SPINT2: variants seen among roughly 807,000 people sequenced by gnomAD.
SPINT2 encodes serine peptidase inhibitor, Kunitz type 2.
A neutral mutation model predicts 30.1 loss-of-function variants in SPINT2; 18 were observed. That is an observed-to-expected ratio of 0.60 (90% CI 0.41 to 0.89). SPINT2 has a LOEUF of 0.89. Ranked by LOEUF, SPINT2 falls within the 40% of genes least tolerant of loss-of-function variation. The probability of loss-of-function intolerance (pLI) is 0.00; values close to 1 mark genes in which losing one functional copy is unlikely to be tolerated. For synonymous variants in SPINT2, 139 were observed against 137.9 expected, an observed-to-expected ratio of 1.01 and a Z score of -0.05; for missense variants, 276 against 334.3, an observed-to-expected ratio of 0.83 and a Z score of 1.36.
rs1483168849 is a variant in SPINT2 at position 38,292,050 on chromosome 19, G to A, written c.*44G>A. The A allele has an allele frequency of 1.2e-6, 2 of 1,608,664 alleles. No individual in the cohort carries two copies. The highest frequency in any genetic ancestry group is 1.7e-6 in the Non-Finnish European group (2 of 1,177,686). ...GACTGGGGAAGGGAGGGGAGACTAT[G>A]TGTGAGCTTTTTTTAAATAGAGGGA... On this transcript the variant is annotated 3_prime_UTR_variant, in exon 7 of 7. Transcript: ENST00000301244.
intron 1 of SPINT2, among the ~76,000 whole-genome samples, chr19:38,267,210 T>C (rs1009888264): frequency 2.1e-4 from 32 of 152,230 alleles, no homozygotes; most frequent in Non-Finnish European, 2.9e-5. Flanking sequence ...ATGCCCTCAC[T>C]CATCGTAAGT....
chr19:38,274,067 CA>C, intron 1 of SPINT2, among the ~76,000 whole-genome samples: 1 of 151,916 alleles, frequency 6.6e-6, no homozygotes, highest in South Asian at 2.1e-4. Context: ...CTCGTTTCTA[CA>C]AAAAATGCAA....
intron 1 of SPINT2, among the ~76,000 whole-genome samples, chr19:38,266,728 A>G (rs991712580): frequency 6.6e-6 from 1 of 151,914 alleles, no homozygotes; most frequent in Non-Finnish European, 1.5e-5. Flanking sequence ...ACCTGTGGTA[A>G]CTTCTGGGGA....
chr19:38,288,878 A>C, intron 3 of SPINT2: 4 of 489,174 alleles, frequency 8.2e-6, no homozygotes, highest in Middle Eastern at 5.8e-4. Flanking sequence ...CGTGTTCCCT[A>C]TAATATTAGG....
At position 38,264,703 on chromosome 19, in the gene SPINT2, C is replaced by A; in HGVS notation, c.-190C>A. On this transcript the variant is annotated 5_prime_UTR_variant, in exon 1 of 7. Coordinates refer to ENST00000301244, the MANE Select transcript of SPINT2 (RefSeq NM_021102.4). ...ACCCAGGCATCGCGCGCCGAGAAGG[C>A]CGGGCGTCCCCACACTGAAGGTCCG... The A allele has an allele frequency of 1.7e-6, 1 of 599,934 alleles. No homozygotes were observed. The highest frequency in any genetic ancestry group is 2.0e-5 in the South Asian group (1 of 49,734). The allele number at this position is 599,934 out of a possible 1,614,324, so 37.2% of individuals were successfully genotyped here.
chr19:38,276,802 TATTA>T (rs1195583550), intron 1 of SPINT2, among the ~76,000 whole-genome samples: 2 of 152,090 alleles, frequency 1.3e-5, no homozygotes, highest in Admixed American at 6.6e-5. Context: ...ATGTTTTATT[TATTA>T]ATTTATTTTT....
chr19:38,278,101 G>T (rs1038206686), intron 1 of SPINT2, among the ~76,000 whole-genome samples: 2 of 152,134 alleles, frequency 1.3e-5, no homozygotes, highest in Admixed American at 6.6e-5. Context: ...TTCTAAAAAT[G>T]TGTCCAGCCC....
chr19:38,276,765 T>C (rs1197511038), intron 1 of SPINT2, among the ~76,000 whole-genome samples: 1 of 152,106 alleles, frequency 6.6e-6, no homozygotes, highest in African/African-American at 2.4e-5. Flanking sequence ...GAATGAGGGG[T>C]ATGCAAAGGG....
chr19:38,274,036 G>T (rs963974862), intron 1 of SPINT2, among the ~76,000 whole-genome samples: 10 of 152,076 alleles, frequency 6.6e-5, no homozygotes, highest in Non-Finnish European at 1.3e-4. Flanking sequence ...TTCAATACTA[G>T]TCTGGGCAAC....
At chr19:38,287,804 GCCAGCTCAT>G in intron 2 of SPINT2, 63 bp from the exon 3 acceptor site, 1 of 1,538,976 alleles carries the variant, frequency 6.5e-7, no homozygotes, top group Non-Finnish European at 9.0e-7. Context: ...GGCGCACAGG[GCCAGCTCAT>G]TCTTTGTCCC....
chr19:38,282,609 A>G (rs773233386), intron 1 of SPINT2, among the ~76,000 whole-genome samples: 3 of 152,166 alleles, frequency 2.0e-5, no homozygotes, highest in African/African-American at 7.2e-5. Context: ...ATTTTATAAC[A>G]TTGGCTTTTG....
chr19:38,270,830 A>AT (rs1165897291), intron 1 of SPINT2, among the ~76,000 whole-genome samples: 1 of 152,226 alleles, frequency 6.6e-6, no homozygotes, highest in Admixed American at 6.5e-5. Flanking sequence ...GGGAGGCTGA[A>AT]TAAGGGGTGA....
intron 1 of SPINT2, among the ~76,000 whole-genome samples, chr19:38,268,971 C>T (rs1968415090): frequency 6.6e-6 from 1 of 152,148 alleles, no homozygotes; most frequent in Non-Finnish European, 1.5e-5. Flanking sequence ...CTTGAAAGGT[C>T]CTTTAGGAGT....
chr19:38,286,714 T>C (rs931827319), intron 2 of SPINT2, among the ~76,000 whole-genome samples: 5 of 151,836 alleles, frequency 3.3e-5, no homozygotes, highest in Admixed American at 6.6e-5. Flanking sequence ...ACCCGGGAGG[T>C]GGAGCTTGCA....
At chr19:38,269,817 G>A (rs1187363756) in intron 1 of SPINT2, among the ~76,000 whole-genome samples, 1 of 152,074 alleles carries the variant, frequency 6.6e-6, no homozygotes, top group East Asian at 1.9e-4. Flanking sequence ...CACCGTGTTA[G>A]CCAGGATGGT....
chr19:38,281,947 T>C (rs530592676), intron 1 of SPINT2, among the ~76,000 whole-genome samples: 1 of 152,306 alleles, frequency 6.6e-6, no homozygotes, highest in African/African-American at 2.4e-5. Context: ...CTTTCATTCA[T>C]ATGAAGTGTC....
At chr19:38,266,424 C>T (rs556197949) in intron 1 of SPINT2, among the ~76,000 whole-genome samples, 1 of 151,988 alleles carries the variant, frequency 6.6e-6, no homozygotes, top group African/African-American at 2.4e-5. Context: ...GCCTGTAATC[C>T]TAGAACTTTG....
At chr19:38,275,275 T>C (rs1968502513) in intron 1 of SPINT2, among the ~76,000 whole-genome samples, 1 of 151,950 alleles carries the variant, frequency 6.6e-6, no homozygotes, top group South Asian at 2.1e-4. Flanking sequence ...TTTCTGTTTG[T>C]TTGTTTTGTT....
chr19:38,273,250 A>G (rs899841047), intron 1 of SPINT2, among the ~76,000 whole-genome samples: 1 of 152,258 alleles, frequency 6.6e-6, no homozygotes, highest in South Asian at 2.1e-4. Flanking sequence ...AGCTTTCTGT[A>G]CTGGAAACAG....
Sources: gnomAD v4.1 joint callset for allele counts (sites outside exome capture counted in the v4.1 genomes callset) on GRCh38, gnomAD v4.1.1 for gene constraint, MANE v1.5 for transcripts, NCBI Gene and HGNC (gene_info 2026-07-23, HGNC 2026-07-21) for gene names.